The following PPIE variants were observed in gnomAD, a reference collection of about 807,000 sequenced individuals.
The protein encoded by PPIE is peptidyl-prolyl cis-trans isomerase E.
Under a neutral mutation model 38.4 loss-of-function variants are expected in PPIE, and 20 were observed. The observed-to-expected ratio is 0.52, with a 90% CI of 0.37 to 0.76. PPIE has a LOEUF of 0.76. Among genes scored for constraint, PPIE ranks in the 30% least tolerant of loss-of-function variants. The pLI, the probability that PPIE is intolerant of heterozygous loss-of-function variation, is 0.00. For missense variants in PPIE, 322 were observed against 385.8 expected, an observed-to-expected ratio of 0.83 and a Z score of 1.39; for synonymous variants, 142 against 135.7, an observed-to-expected ratio of 1.05 and a Z score of -0.32.
Position 39,753,363 on chromosome 1 carries a change from C to A in PPIE, c.*8C>A. The A allele has an allele frequency of 1.9e-6, 3 of 1,613,394 alleles. No individual in the cohort carries two copies. In the South Asian group the frequency reaches 3.3e-5, roughly 18 times the overall value. ...TGTGGGGAGTACGTGTGAGGCGGCA[C>A]TCTCTCTGCTTCCCCCTCCGCTCTT... On this transcript the variant is annotated 3_prime_UTR_variant, in exon 10 of 10. Transcript: ENST00000324379.
At chr1:39,749,950 A>C (rs1424561691) in intron 8 of PPIE, among the ~76,000 whole-genome samples, 2 of 152,172 alleles carry the variant, frequency 1.3e-5, no homozygotes, top group African/African-American at 4.8e-5. Context: ...CCTAACTAAC[A>C]TGGAGAAACC....
Position 39,756,549 on chromosome 1 carries a change from G to C in PPIE, c.*3194G>C. ...TCTGTTGCAGTCATGGCAGCCTCAC[G>C]GCAACCTCTGAAGAAGGAATTATAG... On this transcript the variant is annotated 3_prime_UTR_variant, in exon 10 of 10. Coordinates refer to ENST00000324379, the MANE Select transcript of PPIE (RefSeq NM_006112.4). 1 of 985,396 alleles carries C rather than the reference G, an allele frequency of 1.0e-6. No homozygotes were observed. Among genetic ancestry groups the C allele is most frequent in the South Asian group, 4.7e-5 (1 of 21,282 alleles). The allele number at this position is 985,396 out of a possible 1,614,324, so 61.0% of individuals were successfully genotyped here.
chr1:39,760,564 T>C, downstream of PPIE: 1 of 1,613,616 alleles, frequency 6.2e-7, no homozygotes, highest in South Asian at 1.1e-5. Flanking sequence ...CATCATCAGG[T>C]GCACCTGGCC....
chr1:39,756,172 G>A lies in PPIE; in HGVS notation c.*2817G>A, dbSNP rs1408208070. The A allele has an allele frequency of 2.0e-6, 2 of 985,302 alleles. No individual in the cohort carries two copies. The highest frequency in any genetic ancestry group is 2.4e-6 in the Non-Finnish European group (2 of 829,922). 61.0% of individuals were successfully genotyped at this position (985,302 alleles called of 1,614,324 possible). A position where few individuals can be genotyped will look rare whatever the true frequency, so the allele number is the denominator to read the frequency against. On this transcript the variant is annotated 3_prime_UTR_variant, in exon 10 of 10. Coordinates refer to ENST00000324379, the MANE Select transcript of PPIE (RefSeq NM_006112.4). The stretch of plus-strand genomic sequence containing the variant: ...TGCAGCAGCTGCACCTGGCTGCCTC[G>A]GGAAAACTCTGACCTCTCTGGGAAG...
downstream of PPIE, chr1:39,758,858 A>C (rs1453254533): frequency 6.6e-6 from 1 of 152,114 alleles, no homozygotes; most frequent in African/African-American, 2.4e-5. Context: ...GTCCAGGTGG[A>C]GGGGCTGCTG....
Position 39,748,919 on chromosome 1 carries a change from G to C in PPIE, c.525G>C (p.Leu175=), listed in dbSNP as rs148125553. ...CAATTCCAGAGAATTTCCGCTGCCT[G>C]TGCACTCATGAAAAGGGCTTTGGCT... is the stretch of plus-strand genomic sequence containing the variant. The part of the protein sequence containing the change: ...VPMTAENFRC[L]CTHEKGFGFK... Residue 175 remains leucine, a synonymous_variant, in exon 8 of 10, where the codon CTG becomes CTC. Coordinates refer to ENST00000324379, the MANE Select transcript of PPIE (RefSeq NM_006112.4). 1.9e-6 allele frequency: 3 copies of C among 1,613,832 alleles called. No homozygotes were observed. In the African/African-American group the frequency reaches 4.0e-5, roughly 22 times the overall value.
Position 39,740,188 on chromosome 1 carries a change from G to A in PPIE, c.55G>A (p.Asp19Asn), listed in dbSNP as rs1647023047. The A allele has an allele frequency of 6.8e-6, 11 of 1,614,128 alleles. No homozygotes were observed. The highest frequency in any genetic ancestry group is 2.2e-5 in the South Asian group (2 of 91,068). The change falls in exon 2 of 10, where the codon GAC (aspartate) becomes AAC (asparagine). Residue 19 changes from aspartate to asparagine, a missense_variant. Asp to Asn is a conservative substitution (Grantham distance 23). Transcript: ENST00000324379. The stretch of plus-strand genomic sequence containing the variant: ...AGGTGGACTGGCAGAGGAAGTGGAC[G>A]ACAAAGTTCTTCATGCTGCGTTCAT... ...YVGGLAEEVD[D>N]KVLHAAFIPF...
intron 8 of PPIE, among the ~76,000 whole-genome samples, chr1:39,752,321 C>T (rs559306424): frequency 1.7e-4 from 26 of 152,190 alleles, no homozygotes; most frequent in Non-Finnish European, 3.4e-4. Flanking sequence ...GAGCATCTCA[C>T]ACTTTACATG....
chr1:39,742,303 T>C (rs1328903894), intron 4 of PPIE: 1 of 176,546 alleles, frequency 5.7e-6, no homozygotes, highest in Non-Finnish European at 1.2e-5. Context: ...CAGGTGCAAA[T>C]CACTGATACA....
At position 39,756,213 on chromosome 1, in the gene PPIE, TG is replaced by T. The variant is rs1648252748; in HGVS notation, c.*2859del. On this transcript the variant is annotated 3_prime_UTR_variant, in exon 10 of 10. Transcript: ENST00000324379. ...CTCTGGGAAGTGGAGCCAGTGGCTCTGTGGGCGTCCTTTCCTGCAGCCTGGA... is the reference window on the plus strand; with the variant it reads ...CTCTGGGAAGTGGAGCCAGTGGCTCTTGGGCGTCCTTTCCTGCAGCCTGGA... 1.0e-6 allele frequency: 1 copy of T among 985,362 alleles called. No homozygotes were observed. Among genetic ancestry groups the T allele is most frequent in the Non-Finnish European group, 1.2e-6 (1 of 829,942 alleles). 61.0% of individuals were successfully genotyped at this position (985,362 alleles called of 1,614,324 possible). A position where few individuals can be genotyped will look rare whatever the true frequency, so the allele number is the denominator to read the frequency against.
rs1260316886 is a variant in PPIE at position 39,755,038 on chromosome 1, A to AC, written c.*1688dup. On this transcript the variant is annotated 3_prime_UTR_variant, in exon 10 of 10. Coordinates refer to ENST00000324379, the MANE Select transcript of PPIE (RefSeq NM_006112.4). ...GCCACTGAAGAGAACAAATGGTCCCACCCCCTGCTGAGCTCACAGTCTGGC... is the reference window on the plus strand; with the variant it reads ...GCCACTGAAGAGAACAAATGGTCCCACCCCCCTGCTGAGCTCACAGTCTGGC... The AC allele has an allele frequency of 4.1e-6, 4 of 985,222 alleles. No individual in the cohort carries two copies. The African/African-American group carries it at 7.0e-5, about 17-fold the overall frequency. The allele number at this position is 985,222 out of a possible 1,614,324, so 61.0% of individuals were successfully genotyped here.
At chr1:39,743,434 G>A in intron 5 of PPIE, 137 bp downstream of exon 5, 2 of 737,706 alleles carry the variant, frequency 2.7e-6, no homozygotes, top group Non-Finnish European at 4.6e-6. Flanking sequence ...GTTCACATTG[G>A]GAAGGGCATG....
intron 7 of PPIE, chr1:39,745,863 ATTC>A (rs1335512334): frequency 6.0e-6 from 1 of 167,672 alleles, no homozygotes; most frequent in African/African-American, 2.4e-5. Flanking sequence ...TTTATTGAGT[ATTC>A]TTTGTAATTT....
Position 39,753,361 on chromosome 1 carries a change from C to T in PPIE, c.*6C>T. 1.9e-6 allele frequency: 3 copies of T among 1,613,560 alleles called. No homozygotes were observed. Among genetic ancestry groups the T allele is most frequent in the Non-Finnish European group, 2.5e-6 (3 of 1,179,642 alleles). On this transcript the variant is annotated 3_prime_UTR_variant, in exon 10 of 10. Coordinates refer to ENST00000324379, the MANE Select transcript of PPIE (RefSeq NM_006112.4). ...ACTGTGGGGAGTACGTGTGAGGCGG[C>T]ACTCTCTCTGCTTCCCCCTCCGCTC...
At chr1:39,746,379 C>T (rs1647205137) in intron 7 of PPIE, 1 of 152,182 alleles carries the variant, frequency 6.6e-6, no homozygotes, top group Non-Finnish European at 1.5e-5. Flanking sequence ...GGGGGTTTTG[C>T]ATCCAGGTGT....
At chr1:39,751,656 A>C (rs547942887) in intron 8 of PPIE, among the ~76,000 whole-genome samples, 1 of 152,156 alleles carries the variant, frequency 6.6e-6, no homozygotes, top group African/African-American at 2.4e-5. Context: ...CACTGCGCCC[A>C]GCCTCTAGCA....
rs565639842 is a variant in PPIE at position 39,740,154 on chromosome 1, C to T, written c.32-11C>T. 5 of 1,612,386 alleles carry T rather than the reference C, an allele frequency of 3.1e-6. No individual in the cohort carries two copies. Among genetic ancestry groups the T allele is most frequent in the East Asian group, 2.2e-5 (1 of 44,874 alleles). On this transcript the variant is annotated splice_polypyrimidine_tract_variant and intron_variant, in intron 1 of 9. Transcript: ENST00000324379. ...GATCAGTGGCTCAGAAGGCCCTTGG[C>T]TTATTTGCAGGTGGACTGGCAGAGG... is the stretch of plus-strand genomic sequence containing the variant.
intron 7 of PPIE, chr1:39,747,498 T>C (rs2124334435): frequency 7.5e-6 from 1 of 133,076 alleles, no homozygotes; most frequent in East Asian, 2.4e-4. Flanking sequence ...AGTCTCGCAC[T>C]GTTGCCCGGG....
At chr1:39,745,527 G>A (rs199864623) in intron 7 of PPIE, 29 bp downstream of exon 7, 121 of 1,613,850 alleles carry the variant, frequency 7.5e-5, no homozygotes, top group East Asian at 7.1e-4. Flanking sequence ...TCAGAACGGC[G>A]GGACGCTGGT....
Sources: allele counts gnomAD v4.1 joint callset (sites outside exome capture counted in the v4.1 genomes callset), GRCh38; gene constraint gnomAD v4.1.1; transcripts MANE v1.5; gene names NCBI Gene and HGNC (gene_info 2026-07-23, HGNC 2026-07-21).